The following TMEFF2 variants were observed in gnomAD, a reference collection of about 807,000 sequenced individuals.
TMEFF2 encodes the protein tomoregulin-2.
Under a neutral mutation model 53.8 loss-of-function variants are expected in TMEFF2, and 28 were observed. That is an observed-to-expected ratio of 0.52 (90% confidence interval 0.39 to 0.71). The LOEUF (loss-of-function observed/expected upper bound fraction) is 0.71, where lower values mean the gene tolerates loss of function less well. Ranked by LOEUF, TMEFF2 falls within the 30% of genes least tolerant of loss-of-function variation. TMEFF2 has a pLI of 0.00. For missense variants in TMEFF2, 353 were observed against 455.2 expected (o/e 0.78, Z 2.04); for synonymous variants, 162 against 166.3 (o/e 0.97, Z 0.20).
chr2:191,989,318 C>A (rs559416735), intron 7 of TMEFF2, among the ~76,000 whole-genome samples: 1 of 152,044 alleles, frequency 6.6e-6, no homozygotes, highest in Admixed American at 6.6e-5. Context: ...AAACTCAGAC[C>A]AAGGATGGTC....
At position 192,159,170 on chromosome 2, in the gene TMEFF2, TC is replaced by T. The variant is rs1281694566; in HGVS notation, c.439+20497del. ...TTGTCAACAAATGCTAAATGGGGAA[TC>T]GCAGGCACAATGCAGATTGTTTTAT... On this transcript the variant is annotated intron_variant, in intron 4 of 9. Coordinates refer to ENST00000272771, the MANE Select transcript of TMEFF2 (RefSeq NM_016192.4). 5.9e-5 allele frequency among the ~76,000 whole-genome samples: 9 copies of T among 152,278 alleles called. No homozygotes were observed. The South Asian group carries it at 1.9e-3, about 32-fold the overall frequency.
In TMEFF2 at chr2:191,956,338, G is replaced by A; in HGVS notation, c.786C>T (p.His262=). The A allele has an allele frequency of 1.2e-6, 2 of 1,614,006 alleles. No individual in the cohort carries two copies. The highest frequency in any genetic ancestry group is 1.1e-5 in the South Asian group (1 of 91,046). The change falls in exon 8 of 10, where the codon CAC becomes CAT. Residue 262 remains histidine (H), a synonymous_variant. Coordinates refer to ENST00000272771, the MANE Select transcript of TMEFF2 (RefSeq NM_016192.4). ...CATTGTAATGTTCCGGACAAGGTATGTGGTGTTCTCTGGCACTTTCTTCTA... is the reference window on the plus strand; with the variant it reads ...CATTGTAATGTTCCGGACAAGGTATATGGTGTTCTCTGGCACTTTCTTCTA... ...NKLEESAREH[H]IPCPEHYNGF... is the part of the protein sequence containing the mutation.
intron 5 of TMEFF2, 118 bp downstream of exon 5, chr2:192,057,561 A>T: frequency 1.1e-6 from 1 of 919,206 alleles, no homozygotes; most frequent in Admixed American, 2.1e-5. Context: ...TTCACTTGGG[A>T]ACTGAATAAG....
At position 192,008,798 on chromosome 2, in the gene TMEFF2, T is replaced by C. The variant is rs193073920; in HGVS notation, c.537-9590A>G. 9.8e-5 allele frequency among the ~76,000 whole-genome samples: 15 copies of C among 152,332 alleles called. No individual in the cohort carries two copies. In the East Asian group the frequency reaches 2.9e-3, roughly 29 times the overall value. On this transcript the variant is annotated intron_variant, in intron 5 of 9. Transcript: ENST00000272771. The stretch of plus-strand genomic sequence containing the variant: ...AGCGCCAGGATTCCCACACCCACTT[T>C]AGTGATCGGGGTGGCTTCATGTTTG...
At chr2:192,012,544 G>T (rs1282320171) in intron 5 of TMEFF2, among the ~76,000 whole-genome samples, 1 of 152,040 alleles carries the variant, frequency 6.6e-6, no homozygotes, top group African/African-American at 2.4e-5. Context: ...ATTAGCTAGG[G>T]GCCCCTTCAC....
chr2:192,034,054 A>G (rs1265163922), intron 5 of TMEFF2, among the ~76,000 whole-genome samples: 2 of 151,914 alleles, frequency 1.3e-5, no homozygotes, highest in Non-Finnish European at 2.9e-5. Flanking sequence ...AAGCGCCTGT[A>G]GTCCCAGCTA....
At chr2:192,190,270 C>T in intron 2 of TMEFF2, among the ~76,000 whole-genome samples, 1 of 151,128 alleles carries the variant, frequency 6.6e-6, no homozygotes, top group Admixed American at 6.6e-5. Context: ...AATGTTTTTC[C>T]TGGTTCATTT....
chr2:192,098,481 T>C (rs1220658821), intron 4 of TMEFF2, among the ~76,000 whole-genome samples: 1 of 152,110 alleles, frequency 6.6e-6, no homozygotes, highest in African/African-American at 2.4e-5. Context: ...TTAAAGGAAA[T>C]ACTCTGAGGT....
At chr2:192,137,622 C>T (rs906031129) in intron 4 of TMEFF2, among the ~76,000 whole-genome samples, 1 of 151,836 alleles carries the variant, frequency 6.6e-6, no homozygotes, top group Non-Finnish European at 1.5e-5. Flanking sequence ...CTGGCAAGAC[C>T]AATAGTGGAG....
chr2:191,976,727 G>A (rs1319153420), intron 7 of TMEFF2, among the ~76,000 whole-genome samples: 1 of 152,216 alleles, frequency 6.6e-6, no homozygotes, highest in Non-Finnish European at 1.5e-5. Context: ...GGAGGCCCAT[G>A]TTGGACACAA....
intron 4 of TMEFF2, among the ~76,000 whole-genome samples, chr2:192,120,557 C>T (rs1202473826): frequency 6.6e-6 from 1 of 152,142 alleles, no homozygotes; most frequent in Non-Finnish European, 1.5e-5. Flanking sequence ...AGAGAGAGCA[C>T]CTTTGTGCCT....
intron 5 of TMEFF2, among the ~76,000 whole-genome samples, chr2:192,053,613 CAAAAT>C (rs528795687): frequency 1.1e-3 from 168 of 152,222 alleles, no homozygotes; most frequent in Non-Finnish European, 1.7e-3. Context: ...GTGTTAAAGG[CAAAAT>C]AAAACAATAA....
chr2:192,190,515 T>C (rs1226618977), intron 2 of TMEFF2, among the ~76,000 whole-genome samples: 4 of 152,166 alleles, frequency 2.6e-5, no homozygotes, highest in Non-Finnish European at 2.9e-5. Flanking sequence ...ATAATGGCAC[T>C]GTTTAATGTG....
rs374231037 is a variant in TMEFF2, at chr2:192,012,064, C to T, written c.537-12856G>A. Among the ~76,000 whole-genome samples, 30 of 151,958 alleles carry T rather than the reference C, an allele frequency of 2.0e-4. No individual in the cohort carries two copies. The South Asian group carries it at 2.7e-3, about 14-fold the overall frequency. On this transcript the variant is annotated intron_variant, in intron 5 of 9. Transcript: ENST00000272771. The stretch of plus-strand genomic sequence containing the variant: ...ACCTCGCCCGGCCCACCACCAGGCC[C>T]GGCTAATTTTTTGTATTTTTAGTAG...
intron 5 of TMEFF2, among the ~76,000 whole-genome samples, chr2:192,025,193 A>G (rs888858548): frequency 1.3e-5 from 2 of 152,140 alleles, no homozygotes; most frequent in Admixed American, 6.6e-5. Flanking sequence ...TTTTGTTTGA[A>G]TGATGCCCAC....
intron 7 of TMEFF2, among the ~76,000 whole-genome samples, chr2:191,995,317 TGA>T (rs1463767696): frequency 7.9e-5 from 12 of 151,978 alleles, no homozygotes; most frequent in African/African-American, 2.9e-4. Context: ...AAGAAAAAAC[TGA>T]GAGGGATAAA....
At chr2:191,957,202 G>A (rs563720828) in intron 7 of TMEFF2, among the ~76,000 whole-genome samples, 6 of 152,228 alleles carry the variant, frequency 3.9e-5, no homozygotes, top group Non-Finnish European at 7.4e-5. Flanking sequence ...GTCCAAAAAC[G>A]TTTGCTTCAT....
chr2:191,950,255 A>G lies in TMEFF2; in HGVS notation c.*56T>C. ...CTTGTCTTATTCTTTTGTCTATAAT[A>G]CTGTATTGTGTAGTCCAAGCTCTCG... On this transcript the variant is annotated 3_prime_UTR_variant, in exon 10 of 10. Transcript: ENST00000272771. The G allele has an allele frequency of 6.2e-7, 1 of 1,606,978 alleles. No homozygotes were observed. Among genetic ancestry groups the G allele is most frequent in the Admixed American group, 1.7e-5 (1 of 59,450 alleles).
chr2:191,968,375 T>C (rs944544845), intron 7 of TMEFF2, among the ~76,000 whole-genome samples: 2 of 152,184 alleles, frequency 1.3e-5, no homozygotes, highest in South Asian at 2.1e-4. Flanking sequence ...TTACTATTTG[T>C]GTCACTGTGG....
Sources: allele counts gnomAD v4.1 joint callset (sites outside exome capture counted in the v4.1 genomes callset), GRCh38; gene constraint gnomAD v4.1.1; transcripts MANE v1.5; gene names NCBI Gene and HGNC (gene_info 2026-07-23, HGNC 2026-07-21).